FRMD1: variants seen among roughly 807,000 people sequenced by gnomAD.
FRMD1 encodes FERM domain containing 1.
In FRMD1, 51 loss-of-function variants were observed where a neutral mutation model predicts 54.9. That is an observed-to-expected ratio of 0.93 (90% CI 0.74 to 1.17). The LOEUF is 1.17. Among genes scored for constraint, FRMD1 ranks in the 50% most tolerant of loss-of-function variants. The pLI is 0.00. For missense variants in FRMD1, 729 were observed against 743.0 expected, an observed-to-expected ratio of 0.98 and a Z score of 0.22; for synonymous variants, 324 against 306.4, an observed-to-expected ratio of 1.06 and a Z score of -0.60.
intron 2 of FRMD1, among the ~76,000 whole-genome samples, chr6:168,068,468 C>A (rs974155651): frequency 6.6e-6 from 1 of 152,110 alleles, no homozygotes; most frequent in African/African-American, 2.4e-5. Context: ...TTGCATGTAC[C>A]CTATGCACAT....
intron 2 of FRMD1, among the ~76,000 whole-genome samples, chr6:168,072,901 C>A (rs1422486058): frequency 4.6e-5 from 7 of 152,206 alleles, no homozygotes; most frequent in African/African-American, 1.7e-4. Context: ...ACATCCCGCC[C>A]TCCCCTGAGT....
chr6:168,058,766 G>C (rs1322382874), intron 10 of FRMD1, among the ~76,000 whole-genome samples: 1 of 152,164 alleles, frequency 6.6e-6, no homozygotes, highest in East Asian at 1.9e-4. Flanking sequence ...GGAGGTGGAC[G>C]AAGGGGACGG....
intron 2 of FRMD1, among the ~76,000 whole-genome samples, chr6:168,068,249 A>C (rs1800143900): frequency 6.6e-6 from 1 of 152,232 alleles, no homozygotes; most frequent in Non-Finnish European, 1.5e-5. Context: ...TTCTTTCTAA[A>C]TTAGGTGTTT....
chr6:168,080,093 C>A (rs1241661894), upstream of FRMD1, among the ~76,000 whole-genome samples: 1 of 152,190 alleles, frequency 6.6e-6, no homozygotes, highest in Non-Finnish European at 1.5e-5. Context: ...AGTAAGGGGT[C>A]TGGACCTCCG....
intron 2 of FRMD1, among the ~76,000 whole-genome samples, chr6:168,068,961 G>T (rs1328346035): frequency 3.9e-5 from 6 of 152,232 alleles, no homozygotes; most frequent in African/African-American, 1.4e-4. Flanking sequence ...GACGGCGTTA[G>T]ACCCAGGGGG....
At chr6:168,061,341 G>A (rs191031918) in intron 8 of FRMD1, among the ~76,000 whole-genome samples, 2 of 150,038 alleles carry the variant, frequency 1.3e-5, no homozygotes, top group Non-Finnish European at 3.0e-5. Context: ...GTGGGTAAAC[G>A]CTGAGGCCAG....
chr6:168,066,710 T>G, intron 4 of FRMD1, 45 bp downstream of exon 4: 2 of 1,571,162 alleles, frequency 1.3e-6, no homozygotes, highest in Non-Finnish European at 1.7e-6. Flanking sequence ...TGCGGCAGAT[T>G]TTCAGTATTC....
intron 4 of FRMD1, 193 bp from the exon 5 acceptor site, chr6:168,065,250 C>T (rs1405256745): frequency 3.3e-5 from 44 of 1,352,176 alleles, no homozygotes; most frequent in Non-Finnish European, 4.0e-5. Flanking sequence ...CTTCCTGGAG[C>T]GGGGCACAGG....
At chr6:168,064,377 G>A (rs1171108518) in intron 5 of FRMD1, among the ~76,000 whole-genome samples, 5 of 152,228 alleles carry the variant, frequency 3.3e-5, no homozygotes, top group East Asian at 1.9e-4. Context: ...GCCAGACAGC[G>A]CCTGGGACTG....
At chr6:168,080,850 T>C (rs544670228), upstream of FRMD1, among the ~76,000 whole-genome samples, 479 of 149,534 alleles carry the variant, frequency 3.2e-3, 3 homozygotes, top group African/African-American at 0.011. Flanking sequence ...CTGGTGTGTG[T>C]GGGCGCTGGT....
intron 2 of FRMD1, among the ~76,000 whole-genome samples, chr6:168,073,384 C>T (rs1800405826): frequency 6.6e-6 from 1 of 152,200 alleles, no homozygotes; most frequent in African/African-American, 2.4e-5. Flanking sequence ...CTCAGGGTCC[C>T]CTGGGGGACT....
At chr6:168,081,315 C>T (rs768609005), upstream of FRMD1, 55 of 1,485,140 alleles carry the variant, frequency 3.7e-5, no homozygotes, top group South Asian at 4.0e-5. Flanking sequence ...AAGGCAGAGG[C>T]GTGACCGGGC....
chr6:168,080,855 G>A (rs908969402), upstream of FRMD1, among the ~76,000 whole-genome samples: 4 of 151,886 alleles, frequency 2.6e-5, no homozygotes, highest in Non-Finnish European at 5.9e-5. Flanking sequence ...GTGTGTGGGC[G>A]CTGGTGTGTG....
At chr6:168,073,109 G>C (rs180927930) in intron 2 of FRMD1, among the ~76,000 whole-genome samples, 2 of 152,292 alleles carry the variant, frequency 1.3e-5, no homozygotes, top group Admixed American at 6.5e-5. Flanking sequence ...AAGTCCACCA[G>C]TATTCAACCT....
rs753956933 is a variant in FRMD1, at chr6:168,065,043, C to T, written c.476G>A (p.Arg159Gln). The T allele has an allele frequency of 4.4e-5, 70 of 1,603,344 alleles. No homozygotes were observed. The South Asian group carries it at 6.8e-4, about 16-fold the overall frequency. The change falls in exon 5 of 11, where the codon CGG becomes CAG. Residue 159 changes from arginine (R) to glutamine (Q), a missense_variant. Transcript: ENST00000283309. ...CTTCAAGTGGCAGTAGTACAGGTGC[C>T]GTGCCCTGTGGTCGCTGGAAGGTGG... ...NGRVISDHRA[R>Q]HLYYCHLKER...
upstream of FRMD1, among the ~76,000 whole-genome samples, chr6:168,082,354 C>T (rs946377990): frequency 2.6e-5 from 4 of 152,208 alleles, no homozygotes; most frequent in South Asian, 4.1e-4. Context: ...GCCTCCACCC[C>T]CACCATCGAG....
chr6:168,078,575 C>T (rs528645132), intron 1 of FRMD1, among the ~76,000 whole-genome samples: 83 of 140,540 alleles, frequency 5.9e-4, no homozygotes, highest in Admixed American at 1.0e-3. Context: ...CTCACCCTCA[C>T]AGCCCTGCTC....
At chr6:168,073,852 C>T (rs1189553749) in intron 2 of FRMD1, among the ~76,000 whole-genome samples, 1 of 152,172 alleles carries the variant, frequency 6.6e-6, no homozygotes, top group Non-Finnish European at 1.5e-5. Context: ...GGCTCACTCA[C>T]TCCCCTAGAC....
At chr6:168,082,148 T>A (rs1379615421), upstream of FRMD1, among the ~76,000 whole-genome samples, 3 of 152,312 alleles carry the variant, frequency 2.0e-5, no homozygotes, top group East Asian at 5.8e-4. Context: ...ATGCTAGGGC[T>A]GCCCACCTCT....
Sources: gnomAD v4.1 joint callset for allele counts (sites outside exome capture counted in the v4.1 genomes callset) on GRCh38, gnomAD v4.1.1 for gene constraint, MANE v1.5 for transcripts, NCBI Gene and HGNC (gene_info 2026-07-23, HGNC 2026-07-21) for gene names.